Variants in RORB observed in about 807,000 individuals in gnomAD.
RORB encodes the protein nuclear receptor ROR-beta.
RORB carries 6 observed loss-of-function variants against 59.1 expected under a neutral mutation model. The ratio of observed to expected loss-of-function variants is 0.10; its 90% CI spans 0.06 to 0.20. The LOEUF is 0.20. Ranked by LOEUF, RORB falls within the 10% of genes least tolerant of loss-of-function variation. The pLI is 1.00. For synonymous variants in RORB, 215 were observed against 204.5 expected (o/e 1.05, Z -0.44); for missense variants, 320 against 560.5 (o/e 0.57, Z 4.33).
intron 9 of RORB, among the ~76,000 whole-genome samples, chr9:74,684,247 G>T (rs2118580458): frequency 6.6e-6 from 1 of 152,254 alleles, no homozygotes; most frequent in South Asian, 2.1e-4. Flanking sequence ...AAACCACAAG[G>T]CAACTAATTA....
intron 1 of RORB, among the ~76,000 whole-genome samples, chr9:74,612,031 G>C (rs541137780): frequency 1.4e-4 from 22 of 152,268 alleles, no homozygotes; most frequent in African/African-American, 5.3e-4. Flanking sequence ...GGAGCTTATA[G>C]TCAAGGTGAA....
chr9:74,594,735 A>G (rs577472858), intron 1 of RORB, among the ~76,000 whole-genome samples: 2 of 152,184 alleles, frequency 1.3e-5, no homozygotes, highest in African/African-American at 2.4e-5. Flanking sequence ...GAACACACAC[A>G]TGCACACAAA....
chr9:74,674,289 A>C (rs1410045076), intron 9 of RORB, among the ~76,000 whole-genome samples: 1 of 152,202 alleles, frequency 6.6e-6, no homozygotes, highest in South Asian at 2.1e-4. Flanking sequence ...AGTGAGGGCC[A>C]TTCTGAATAT....
At chr9:74,678,643 A>G (rs1824488560) in intron 9 of RORB, among the ~76,000 whole-genome samples, 1 of 152,188 alleles carries the variant, frequency 6.6e-6, no homozygotes, top group Non-Finnish European at 1.5e-5. Context: ...GAGTCTATGG[A>G]CCAAACACTG....
chr9:74,587,284 T>A (rs1021621018), intron 1 of RORB, among the ~76,000 whole-genome samples: 3 of 152,162 alleles, frequency 2.0e-5, no homozygotes, highest in African/African-American at 7.2e-5. Flanking sequence ...TATGCGAAAT[T>A]CTTTATCAGA....
rs762689747 is a variant in RORB at position 74,689,549 on chromosome 9, A to G, written c.*3931A>G. 1 of 152,238 alleles carries G rather than the reference A, an allele frequency of 6.6e-6. No homozygotes were observed. The highest frequency in any genetic ancestry group is 1.5e-5 in the Non-Finnish European group (1 of 68,048). 9.4% of individuals were successfully genotyped at this position (152,238 alleles called of 1,614,324 possible). A position where few individuals can be genotyped will look rare whatever the true frequency, so the allele number is the denominator to read the frequency against. ...CTCTGAGTAGGTAAAATCAGAGAAT[A>G]TAACGATCTCCTGAGTGATTAGATT... On this transcript the variant is annotated 3_prime_UTR_variant, in exon 10 of 10. Transcript: ENST00000376896.
At chr9:74,527,762 T>C (rs1336964192) in intron 1 of RORB, among the ~76,000 whole-genome samples, 1 of 152,022 alleles carries the variant, frequency 6.6e-6, no homozygotes, top group Non-Finnish European at 1.5e-5. Context: ...GTTTAGGAGT[T>C]GTCCCTTCAA....
chr9:74,550,099 A>T (rs182351469), intron 1 of RORB, among the ~76,000 whole-genome samples: 1 of 152,190 alleles, frequency 6.6e-6, no homozygotes, highest in Non-Finnish European at 1.5e-5. Context: ...ACGTGAATTC[A>T]AAATGTTCTT....
At chr9:74,517,086 G>A (rs1826021118) in intron 1 of RORB, among the ~76,000 whole-genome samples, 1 of 151,800 alleles carries the variant, frequency 6.6e-6, no homozygotes, top group Non-Finnish European at 1.5e-5. Context: ...AAATAGCTGA[G>A]TCTTTCCTCT....
At position 74,576,685 on chromosome 9, in the gene RORB, G is replaced by A. The variant is rs866390475; in HGVS notation, c.8-53597G>A. 2.0e-5 allele frequency among the ~76,000 whole-genome samples: 3 copies of A among 152,156 alleles called. No homozygotes were observed. The South Asian group carries it at 6.2e-4, about 32-fold the overall frequency. On this transcript the variant is annotated intron_variant, in intron 1 of 9. Coordinates refer to ENST00000376896, the MANE Select transcript of RORB (RefSeq NM_006914.4). ...CAGTGTATATTTTTTGAACCCGCCTGGGAAAGCAATTGGTGGGCTTAGAAA... is the reference window on the plus strand; with the variant it reads ...CAGTGTATATTTTTTGAACCCGCCTAGGAAAGCAATTGGTGGGCTTAGAAA...
chr9:74,625,191 A>G (rs1315913187), intron 1 of RORB, among the ~76,000 whole-genome samples: 3 of 152,202 alleles, frequency 2.0e-5, no homozygotes, highest in Non-Finnish European at 4.4e-5. Context: ...TGTGGTAGAG[A>G]AAATTCCTAG....
intron 4 of RORB, among the ~76,000 whole-genome samples, chr9:74,652,584 A>T (rs1191013380): frequency 1.3e-5 from 2 of 151,966 alleles, no homozygotes; most frequent in Non-Finnish European, 2.9e-5. Context: ...TATTTTTATT[A>T]TTTTTAAAAG....
chr9:74,642,372 G>T, intron 3 of RORB, 42 bp from the exon 4 acceptor site: 1 of 1,557,786 alleles, frequency 6.4e-7, no homozygotes, highest in South Asian at 1.2e-5. Context: ...TAACGCGAAT[G>T]ATAACCACAA....
At position 74,656,356 on chromosome 9, in the gene RORB, G is replaced by C. The variant is rs1587409051; in HGVS notation, c.638-4261G>C. Among the ~76,000 whole-genome samples the C allele has an allele frequency of 3.9e-5, 6 of 152,064 alleles. 1 individual carries two copies. The South Asian group carries it at 1.2e-3, about 32-fold the overall frequency. On this transcript the variant is annotated intron_variant, in intron 4 of 9. Transcript: ENST00000376896. ...CCTAGTTCAGACCTTCCTCATAGCTGGTGTGAATTTTCACAACAGCCTGAT... is the reference window on the plus strand; with the variant it reads ...CCTAGTTCAGACCTTCCTCATAGCTCGTGTGAATTTTCACAACAGCCTGAT...
At chr9:74,597,616 A>C (rs944480662) in intron 1 of RORB, among the ~76,000 whole-genome samples, 2 of 144,112 alleles carry the variant, frequency 1.4e-5, no homozygotes, top group Admixed American at 1.4e-4. Context: ...AATGTAAAAC[A>C]CATATTGGAA....
At chr9:74,670,706 C>A (rs1314445911) in intron 8 of RORB, among the ~76,000 whole-genome samples, 1 of 152,204 alleles carries the variant, frequency 6.6e-6, no homozygotes, top group Non-Finnish European at 1.5e-5. Context: ...TCCTGCCAGA[C>A]AGCCCCCTAT....
At chr9:74,607,233 C>A (rs940513476) in intron 1 of RORB, among the ~76,000 whole-genome samples, 2 of 152,164 alleles carry the variant, frequency 1.3e-5, no homozygotes, top group African/African-American at 4.8e-5. Context: ...AAGTTAAGAT[C>A]CCTTGGGGAA....
chr9:74,610,660 T>G (rs1348325130), intron 1 of RORB, among the ~76,000 whole-genome samples: 1 of 152,208 alleles, frequency 6.6e-6, no homozygotes, highest in Non-Finnish European at 1.5e-5. Flanking sequence ...ATGATGAAAC[T>G]GAAACATCTG....
intron 4 of RORB, among the ~76,000 whole-genome samples, chr9:74,644,762 C>G (rs1035418131): frequency 6.6e-6 from 1 of 152,200 alleles, no homozygotes; most frequent in African/African-American, 2.4e-5. Context: ...AAACTCACAA[C>G]AGTGGAGCAA....
Sources: gnomAD v4.1 joint callset for allele counts (sites outside exome capture counted in the v4.1 genomes callset) on GRCh38, gnomAD v4.1.1 for gene constraint, MANE v1.5 for transcripts, NCBI Gene and HGNC (gene_info 2026-07-23, HGNC 2026-07-21) for gene names.